The following NFX1 variants were observed in gnomAD, a reference collection of about 807,000 sequenced individuals.
The protein encoded by NFX1 is transcriptional repressor NF-X1.
A neutral mutation model predicts 137.2 loss-of-function variants in NFX1; 69 were observed. The ratio of observed to expected loss-of-function variants is 0.50; its 90% CI spans 0.41 to 0.61. The LOEUF (loss-of-function observed/expected upper bound fraction) is 0.61, where lower values mean the gene tolerates loss of function less well. Among genes scored for constraint, NFX1 ranks in the 20% least tolerant of loss-of-function variants. The probability of loss-of-function intolerance (pLI) is 0.00; values close to 1 mark genes in which losing one functional copy is unlikely to be tolerated. For synonymous variants in NFX1, 495 were observed against 474.1 expected (o/e 1.04, Z -0.57); for missense variants, 1,167 against 1,391.0 (o/e 0.84, Z 2.56).
At chr9:33,318,098 T>G (rs916628276) in intron 7 of NFX1, among the ~76,000 whole-genome samples, 4 of 152,122 alleles carry the variant, frequency 2.6e-5, no homozygotes, top group Admixed American at 1.3e-4. Flanking sequence ...CTATTTTATT[T>G]TTATTGTATA....
chr9:33,364,441 C>T (rs183544766), intron 20 of NFX1, among the ~76,000 whole-genome samples: 21 of 152,230 alleles, frequency 1.4e-4, no homozygotes, highest in East Asian at 9.6e-4. Context: ...CATTCACATG[C>T]GTTCTCAGTT....
chr9:33,325,620 C>T (rs1480802011), intron 9 of NFX1, among the ~76,000 whole-genome samples: 5 of 151,788 alleles, frequency 3.3e-5, no homozygotes, highest in African/African-American at 4.8e-5. Flanking sequence ...GCCGAGATTG[C>T]GCCACTGCAC....
chr9:33,348,404 C>T (rs562238556), intron 15 of NFX1: 9 of 151,958 alleles, frequency 5.9e-5, no homozygotes, highest in East Asian at 5.8e-4. Context: ...GTACACTCCT[C>T]GGGTGATGGG....
At chr9:33,338,702 C>T (rs1330446298) in intron 12 of NFX1, 113 bp downstream of exon 12, 1 of 879,972 alleles carries the variant, frequency 1.1e-6, no homozygotes, top group African/African-American at 1.7e-5. Flanking sequence ...GGGACAGGCC[C>T]CTAAGCAGCA....
At chr9:33,362,749 G>GCTCTTGTTGCA (rs1824040638) in intron 19 of NFX1, among the ~76,000 whole-genome samples, 1 of 141,580 alleles carries the variant, frequency 7.1e-6, no homozygotes, top group East Asian at 2.1e-4. Flanking sequence ...TGTTGCCCAG[G>GCTCTTGTTGCA]CTGTAGTGCA....
chr9:33,367,624 G>A lies in NFX1; in HGVS notation c.3290+5G>A, dbSNP rs1824208489. ...TCACAGACATCAGTCAGACAAGTAA[G>A]ATTCTCCAGCTGCTTTCCAAGGGGA... On this transcript the variant is annotated splice_donor_5th_base_variant and intron_variant, in intron 23 of 23. Coordinates refer to ENST00000379540, the MANE Select transcript of NFX1 (RefSeq NM_002504.6). 1 of 1,613,114 alleles carries A rather than the reference G, an allele frequency of 6.2e-7. No homozygotes were observed. The highest frequency in any genetic ancestry group is 1.3e-5 in the African/African-American group (1 of 74,904).
intron 18 of NFX1, 102 bp downstream of exon 18, chr9:33,354,289 C>A: frequency 1.1e-6 from 1 of 895,188 alleles, no homozygotes; most frequent in Non-Finnish European, 1.7e-6. Flanking sequence ...TAGAGCCTTG[C>A]ATACACAATA....
In NFX1 at chr9:33,311,132, C is replaced by G. The variant is rs1408542975; in HGVS notation, c.1403C>G (p.Pro468Arg). The G allele has an allele frequency of 6.2e-7, 1 of 1,614,174 alleles. No homozygotes were observed. Among genetic ancestry groups the G allele is most frequent in the Non-Finnish European group, 8.5e-7 (1 of 1,180,014 alleles). ...NLLCHPGPCP[P>R]CPAFMTKTCE... ...CTCTGCCATCCAGGACCCTGCCCACCCTGCCCTGCCTTTATGACAAAAACA... is the reference window on the plus strand; with the variant it reads ...CTCTGCCATCCAGGACCCTGCCCACGCTGCCCTGCCTTTATGACAAAAACA... The change falls in exon 6 of 24, where the codon CCC becomes CGC. Residue 468 changes from proline to arginine, a missense_variant. Transcript: ENST00000379540.
chr9:33,367,396 A>T, intron 22 of NFX1, 119 bp from the exon 23 acceptor site: 1 of 930,110 alleles, frequency 1.1e-6, no homozygotes, highest in South Asian at 1.5e-5. Context: ...CAGACAGTTC[A>T]TACCAGAGAG....
intron 12 of NFX1, among the ~76,000 whole-genome samples, chr9:33,342,370 G>T (rs932982793): frequency 6.6e-6 from 1 of 151,946 alleles, no homozygotes. Context: ...GCTGAGGCAG[G>T]AGAACGGTGT....
At chr9:33,307,394 G>A (rs1348921734) in intron 5 of NFX1, 95 bp downstream of exon 5, 1 of 1,018,970 alleles carries the variant, frequency 9.8e-7, no homozygotes, top group Non-Finnish European at 1.5e-6. Context: ...AATGGTTTGG[G>A]ATGAAGGGTG....
At chr9:33,354,406 C>T (rs1461497383) in intron 18 of NFX1, among the ~76,000 whole-genome samples, 1 of 152,140 alleles carries the variant, frequency 6.6e-6, no homozygotes, top group African/African-American at 2.4e-5. Context: ...TCACAGTAAC[C>T]GAAGGAAGCA....
At chr9:33,345,561 T>TA (rs1823390680) in intron 14 of NFX1, among the ~76,000 whole-genome samples, 1 of 152,242 alleles carries the variant, frequency 6.6e-6, no homozygotes, top group Admixed American at 6.5e-5. Flanking sequence ...CTTATATGTA[T>TA]TTCTCAGGGT....
chr9:33,363,482 C>T (rs1384099747), intron 19 of NFX1, among the ~76,000 whole-genome samples: 3 of 151,882 alleles, frequency 2.0e-5, no homozygotes. Flanking sequence ...CAGGGTTTCA[C>T]CATATTGGCC....
chr9:33,355,566 C>G (rs1332039702), intron 19 of NFX1, among the ~76,000 whole-genome samples: 4 of 150,312 alleles, frequency 2.7e-5, no homozygotes, highest in Admixed American at 2.6e-4. Context: ...TATTACTATT[C>G]ATTTACCCAT....
chr9:33,312,636 C>T lies in NFX1; in HGVS notation c.1449-1018C>T, dbSNP rs147215181. Among the ~76,000 whole-genome samples, 87 of 152,296 alleles carry T rather than the reference C, an allele frequency of 5.7e-4. 1 individual carries two copies. Among genetic ancestry groups the T allele is most frequent in the South Asian group, 4.1e-3 (20 of 4,828 alleles). ...CTGTAATCCCAGCATTTCGGGAGGC[C>T]GAGGTGGGTGGATCACTTGAGGTTA... On this transcript the variant is annotated intron_variant, in intron 6 of 23. Coordinates refer to ENST00000379540, the MANE Select transcript of NFX1 (RefSeq NM_002504.6).
intron 12 of NFX1, among the ~76,000 whole-genome samples, chr9:33,342,473 A>G (rs1480684679): frequency 6.6e-6 from 1 of 152,182 alleles, no homozygotes; most frequent in Admixed American, 6.5e-5. Flanking sequence ...AAAAATATAT[A>G]TGTATGTATC....
intron 1 of NFX1, among the ~76,000 whole-genome samples, chr9:33,293,891 G>A (rs911203845): frequency 3.3e-5 from 5 of 152,120 alleles, no homozygotes; most frequent in Admixed American, 2.0e-4. Context: ...CTCAGTAACC[G>A]TTGAAATAAG....
intron 7 of NFX1, 89 bp from the exon 8 acceptor site, chr9:33,318,642 G>T: frequency 4.0e-6 from 5 of 1,244,884 alleles, no homozygotes; most frequent in Non-Finnish European, 5.9e-6. Context: ...TGCCAGGCCC[G>T]CATTTTGTAT....
Sources: allele counts gnomAD v4.1 joint callset (sites outside exome capture counted in the v4.1 genomes callset), GRCh38; gene constraint gnomAD v4.1.1; transcripts MANE v1.5; gene names NCBI Gene and HGNC (gene_info 2026-07-23, HGNC 2026-07-21).